Variants in MALRD1 observed in about 807,000 individuals in gnomAD.
MALRD1 encodes the protein MAM and LDL-receptor class A domain-containing protein 1.
Under a neutral mutation model 242.1 loss-of-function variants are expected in MALRD1, and 247 were observed. The observed-to-expected ratio is 1.02, with a 90% CI of 0.92 to 1.13. MALRD1 has a LOEUF of 1.13. MALRD1 is among the 50% of genes most tolerant of loss of function. The pLI is 0.00. For synonymous variants in MALRD1, 995 were observed against 866.6 expected, an observed-to-expected ratio of 1.15 and a Z score of -2.60; for missense variants, 2,989 against 2,533.1, an observed-to-expected ratio of 1.18 and a Z score of -3.86.
At chr10:19,074,799 A>G (rs1255027071) in intron 2 of MALRD1, among the ~76,000 whole-genome samples, 2 of 151,990 alleles carry the variant, frequency 1.3e-5, no homozygotes, top group Non-Finnish European at 2.9e-5. Context: ...AGATGGCTTG[A>G]TTATTTGTTA....
At chr10:19,495,562 A>G (rs1241021803) in intron 30 of MALRD1, among the ~76,000 whole-genome samples, 1 of 152,194 alleles carries the variant, frequency 6.6e-6, no homozygotes, top group African/African-American at 2.4e-5. Flanking sequence ...GAGATAATTC[A>G]TTATCAGCAA....
chr10:19,071,949 G>A (rs1340744410), intron 2 of MALRD1, among the ~76,000 whole-genome samples: 1 of 152,104 alleles, frequency 6.6e-6, no homozygotes, highest in East Asian at 1.9e-4. Context: ...TGCTCTTCCA[G>A]GACCTGAAGA....
chr10:19,200,402 C>T (rs746843837), intron 14 of MALRD1, among the ~76,000 whole-genome samples: 6 of 152,144 alleles, frequency 3.9e-5, no homozygotes, highest in Non-Finnish European at 7.4e-5. Context: ...AGGAGTTCAA[C>T]TGTTCAAAGT....
chr10:19,405,079 A>C (rs1053183961), intron 28 of MALRD1, among the ~76,000 whole-genome samples: 2 of 152,160 alleles, frequency 1.3e-5, no homozygotes, highest in African/African-American at 2.4e-5. Flanking sequence ...AAAATAATCA[A>C]ACTTAGAAAT....
intron 4 of MALRD1, among the ~76,000 whole-genome samples, chr10:19,095,888 T>C (rs1467453845): frequency 6.6e-6 from 1 of 152,110 alleles, no homozygotes; most frequent in African/African-American, 2.4e-5. Flanking sequence ...TCACATTGAG[T>C]AGACGCTGAA....
At chr10:19,610,191 ATCACC>A (rs1838830831) in intron 35 of MALRD1, among the ~76,000 whole-genome samples, 1 of 151,914 alleles carries the variant, frequency 6.6e-6, no homozygotes. Flanking sequence ...TAGCTTATCC[ATCACC>A]TCATGCATTA....
At chr10:19,426,717 C>T (rs1833916695) in intron 28 of MALRD1, among the ~76,000 whole-genome samples, 1 of 152,112 alleles carries the variant, frequency 6.6e-6, no homozygotes, top group Non-Finnish European at 1.5e-5. Flanking sequence ...GCAAGAGAAT[C>T]ACTTGAACCT....
chr10:19,156,461 C>T (rs1437334990), intron 12 of MALRD1, among the ~76,000 whole-genome samples: 2 of 100,414 alleles, frequency 2.0e-5, no homozygotes, highest in South Asian at 3.6e-4. Flanking sequence ...AGATATAGAG[C>T]GTTTTTTTTT....
intron 21 of MALRD1, among the ~76,000 whole-genome samples, chr10:19,285,595 C>G (rs919635532): frequency 1.5e-4 from 22 of 151,242 alleles, no homozygotes; most frequent in Admixed American, 3.3e-4. Context: ...GGGCTCTGTT[C>G]TGTTCCATTG....
At chr10:19,629,516 G>A (rs565054832) in intron 36 of MALRD1, among the ~76,000 whole-genome samples, 30 of 152,290 alleles carry the variant, frequency 2.0e-4, no homozygotes, top group Admixed American at 1.2e-3. Flanking sequence ...CCATCCTAAA[G>A]TAGCTGCATA....
chr10:19,267,817 A>T (rs1273696452), intron 19 of MALRD1, among the ~76,000 whole-genome samples: 2 of 152,082 alleles, frequency 1.3e-5, no homozygotes, highest in Non-Finnish European at 2.9e-5. Context: ...ATTTCAGGGG[A>T]AAAATAAAGA....
At chr10:19,513,313 G>A (rs10764047) in intron 31 of MALRD1, among the ~76,000 whole-genome samples, 1 of 151,528 alleles carries the variant, frequency 6.6e-6, no homozygotes, top group African/African-American at 2.4e-5. Context: ...GATCTAACAG[G>A]TTCCCTTTTT....
chr10:19,144,828 T>G (rs61851292), intron 10 of MALRD1, among the ~76,000 whole-genome samples: 9,972 of 132,052 alleles, frequency 0.076, 439 homozygotes, highest in Middle Eastern at 0.12. Flanking sequence ...CTATGTAGAG[T>G]GTTAAGAATT....
chr10:19,431,352 G>C (rs1037380459), intron 28 of MALRD1, among the ~76,000 whole-genome samples: 1 of 151,894 alleles, frequency 6.6e-6, no homozygotes, highest in African/African-American at 2.4e-5. Context: ...AGTATAGTTT[G>C]AGAGTAAAAG....
At chr10:19,390,708 C>G (rs1424197320) in intron 28 of MALRD1, among the ~76,000 whole-genome samples, 2 of 151,892 alleles carry the variant, frequency 1.3e-5, no homozygotes, top group Non-Finnish European at 2.9e-5. Context: ...GTTAAGTGCC[C>G]TGGCACTGAT....
At chr10:19,086,685 A>G (rs909561212) in intron 2 of MALRD1, among the ~76,000 whole-genome samples, 1 of 152,148 alleles carries the variant, frequency 6.6e-6, no homozygotes, top group Non-Finnish European at 1.5e-5. Flanking sequence ...TGAAGAAGGA[A>G]GAAAGAAACA....
At chr10:19,285,492 C>G (rs1209626215) in intron 21 of MALRD1, among the ~76,000 whole-genome samples, 6 of 151,772 alleles carry the variant, frequency 4.0e-5, no homozygotes, top group Non-Finnish European at 8.8e-5. Context: ...TTTCCCAGCA[C>G]CATTTATTAA....
intron 19 of MALRD1, among the ~76,000 whole-genome samples, chr10:19,269,977 TTA>T (rs1367909718): frequency 1.3e-5 from 2 of 152,212 alleles, no homozygotes; most frequent in African/African-American, 2.4e-5. Flanking sequence ...TCTCTAATGA[TTA>T]TTCTCTAGTT....
intron 38 of MALRD1, 146 bp from the exon 39 acceptor site, chr10:19,730,560 A>G (rs1226749141): frequency 1.1e-6 from 1 of 873,062 alleles, no homozygotes; most frequent in Admixed American, 2.1e-5. Flanking sequence ...TAAAAAACAA[A>G]CTTTACTTAT....
Sources: gnomAD v4.1 joint callset for allele counts (sites outside exome capture counted in the v4.1 genomes callset) on GRCh38, gnomAD v4.1.1 for gene constraint, MANE v1.5 for transcripts, NCBI Gene and HGNC (gene_info 2026-07-23, HGNC 2026-07-21) for gene names.